Variants in PDE4D observed in about 807,000 individuals in gnomAD.
PDE4D encodes phosphodiesterase 4D.
In PDE4D, 24 loss-of-function variants were observed where a neutral mutation model predicts 87.4. The ratio of observed to expected loss-of-function variants is 0.27; its 90% CI spans 0.20 to 0.39. The LOEUF (loss-of-function observed/expected upper bound fraction) is 0.39, where lower values mean the gene tolerates loss of function less well. Ranked by LOEUF, PDE4D falls within the 10% of genes least tolerant of loss-of-function variation. PDE4D has a pLI of 1.00. For missense variants in PDE4D, 714 were observed against 1,041.0 expected (o/e 0.69, Z 4.32); for synonymous variants, 384 against 383.2 (o/e 1.00, Z -0.02).
At chr5:59,909,457 G>A (rs920860377) in intron 3 of PDE4D, among the ~76,000 whole-genome samples, 41 of 151,848 alleles carry the variant, frequency 2.7e-4, no homozygotes, top group South Asian at 1.7e-3. Flanking sequence ...GTGCCCTGGC[G>A]CAATCATGGC....
chr5:60,470,395 T>C (rs569593749), intron 1 of PDE4D, among the ~76,000 whole-genome samples: 81 of 152,244 alleles, frequency 5.3e-4, no homozygotes, highest in African/African-American at 1.9e-3. Flanking sequence ...CTGGATAATA[T>C]AGCTAAGATA....
intron 1 of PDE4D, among the ~76,000 whole-genome samples, chr5:60,197,432 G>A (rs993382864): frequency 6.6e-6 from 1 of 151,438 alleles, no homozygotes; most frequent in African/African-American, 2.4e-5. Context: ...AAATACAAGT[G>A]AATTATTTTA....
chr5:60,430,544 TG>T (rs1376914111), intron 1 of PDE4D, among the ~76,000 whole-genome samples: 40 of 117,692 alleles, frequency 3.4e-4, no homozygotes, highest in African/African-American at 1.6e-3. Flanking sequence ...TGTTTTTTTT[TG>T]TTTGTTTTTT....
chr5:59,321,872 G>GCA (rs1774791752), intron 1 of PDE4D, among the ~76,000 whole-genome samples: 1 of 152,116 alleles, frequency 6.6e-6, no homozygotes, highest in Non-Finnish European at 1.5e-5. Flanking sequence ...GCGCACTTGT[G>GCA]CACACACACT....
At position 59,499,120 on chromosome 5, in the gene PDE4D, T is replaced by C. The variant is rs115942253; in HGVS notation, c.456-283152A>G. On this transcript the variant is annotated intron_variant, in intron 1 of 14. Transcript: ENST00000340635. ...CAGAAATCAACAGCAAGAGGAATTC[T>C]TAAAACCACACAAATACAGGAAACT... is the stretch of plus-strand genomic sequence containing the variant. Among the ~76,000 whole-genome samples, 391 of 151,996 alleles carry C rather than the reference T, an allele frequency of 2.6e-3. 8 individuals carry two copies. The highest frequency in any genetic ancestry group is 9.0e-3 in the African/African-American group (372 of 41,520).
chr5:59,138,709 G>T (rs1777479169), intron 5 of PDE4D, among the ~76,000 whole-genome samples: 1 of 151,982 alleles, frequency 6.6e-6, no homozygotes, highest in African/African-American at 2.4e-5. Flanking sequence ...TATTTATTTT[G>T]CCCCCTGTAT....
intron 1 of PDE4D, among the ~76,000 whole-genome samples, chr5:59,867,927 T>A (rs1440110847): frequency 6.6e-6 from 1 of 152,214 alleles, no homozygotes. Flanking sequence ...GGGAATTGGA[T>A]AATTGAGAAC....
intron 2 of PDE4D, among the ~76,000 whole-genome samples, chr5:59,997,739 C>A (rs1230653163): frequency 6.6e-6 from 1 of 152,030 alleles, no homozygotes; most frequent in East Asian, 1.9e-4. Context: ...AACATTATAG[C>A]TACTGGTAAA....
At chr5:59,310,869 G>A (rs1772443696) in intron 1 of PDE4D, among the ~76,000 whole-genome samples, 1 of 152,128 alleles carries the variant, frequency 6.6e-6, no homozygotes, top group African/African-American at 2.4e-5. Flanking sequence ...CATATACTGG[G>A]ACCTACAGTG....
intron 2 of PDE4D, among the ~76,000 whole-genome samples, chr5:60,173,885 T>A (rs1054354516): frequency 1.3e-5 from 2 of 152,092 alleles, no homozygotes; most frequent in African/African-American, 2.4e-5. Flanking sequence ...CACAAATACA[T>A]GCAGTAACAC....
chr5:59,595,365 C>T (rs1826516868), intron 1 of PDE4D, among the ~76,000 whole-genome samples: 1 of 151,990 alleles, frequency 6.6e-6, no homozygotes, highest in Non-Finnish European at 1.5e-5. Context: ...ATGGGAAATA[C>T]AAAAATAAAA....
intron 1 of PDE4D, among the ~76,000 whole-genome samples, chr5:59,256,488 G>T (rs1760986454): frequency 6.6e-6 from 1 of 151,974 alleles, no homozygotes; most frequent in African/African-American, 2.4e-5. Flanking sequence ...TTTCAATTAA[G>T]ATAAACATCA....
intron 2 of PDE4D, among the ~76,000 whole-genome samples, chr5:60,052,453 A>C (rs1770284008): frequency 6.6e-6 from 1 of 152,210 alleles, no homozygotes; most frequent in Admixed American, 6.5e-5. Flanking sequence ...GATTATCTCA[A>C]TAGATGCAGA....
intron 2 of PDE4D, among the ~76,000 whole-genome samples, chr5:60,000,694 T>C (rs150221226): frequency 1.7e-3 from 266 of 152,278 alleles, no homozygotes; most frequent in African/African-American, 6.1e-3. Flanking sequence ...TTAACTCTGG[T>C]ATAGAACTTA....
chr5:60,350,652 G>A (rs966353784), intron 1 of PDE4D, among the ~76,000 whole-genome samples: 5 of 152,268 alleles, frequency 3.3e-5, no homozygotes, highest in East Asian at 1.9e-4. Context: ...TTGTCAACAC[G>A]CAGGATGCAG....
chr5:59,249,786 G>A (rs1231647666), intron 1 of PDE4D, among the ~76,000 whole-genome samples: 2 of 152,072 alleles, frequency 1.3e-5, no homozygotes, highest in South Asian at 2.1e-4. Context: ...ATTTGGGAGT[G>A]TGTTGAGGTT....
intron 1 of PDE4D, among the ~76,000 whole-genome samples, chr5:60,398,413 G>C (rs1011752905): frequency 1.3e-5 from 2 of 152,160 alleles, no homozygotes; most frequent in Non-Finnish European, 2.9e-5. Flanking sequence ...TTCCAGATTA[G>C]GGTTGACATT....
At chr5:59,451,163 CTA>C in intron 1 of PDE4D, among the ~76,000 whole-genome samples, 1 of 152,324 alleles carries the variant, frequency 6.6e-6, no homozygotes, top group South Asian at 2.1e-4. Context: ...ATTTCTGAAG[CTA>C]TTGGCCACTC....
At chr5:60,318,475 C>T (rs1007649635) in intron 1 of PDE4D, among the ~76,000 whole-genome samples, 7 of 152,112 alleles carry the variant, frequency 4.6e-5, no homozygotes, top group African/African-American at 9.7e-5. Context: ...AAGCAGTTAG[C>T]CCATTTACAT....
Sources: allele counts gnomAD v4.1 joint callset (sites outside exome capture counted in the v4.1 genomes callset), GRCh38; gene constraint gnomAD v4.1.1; transcripts MANE v1.5; gene names NCBI Gene and HGNC (gene_info 2026-07-23, HGNC 2026-07-21).